Variants in LEPR observed in about 807,000 individuals in gnomAD.
LEPR encodes leptin receptor, also known as OB receptor.
Under a neutral mutation model 114.7 loss-of-function variants are expected in LEPR, and 56 were observed. That is an observed-to-expected ratio of 0.49 (90% CI 0.39 to 0.61). The LOEUF (loss-of-function observed/expected upper bound fraction) is 0.61, where lower values mean the gene tolerates loss of function less well. Ranked by LOEUF, LEPR falls within the 20% of genes least tolerant of loss-of-function variation. The pLI, the probability that LEPR is intolerant of heterozygous loss-of-function variation, is 0.00. For missense variants in LEPR, 1,202 were observed against 1,352.9 expected, an observed-to-expected ratio of 0.89 and a Z score of 1.75; for synonymous variants, 443 against 461.4, an observed-to-expected ratio of 0.96 and a Z score of 0.51.
At position 65,492,281 on chromosome 1, in the gene LEPR, G is replaced by C. The variant is rs1259690852; in HGVS notation, c.-21+66903G>C. On this transcript the variant is annotated intron_variant, in intron 2 of 19. Coordinates refer to ENST00000349533, the MANE Select transcript of LEPR (RefSeq NM_002303.6). ...CTAATATTAAATCATGTTGATTTTT[G>C]TCTCAACAATATTTTTTGTTTGTTT... is the stretch of plus-strand genomic sequence containing the variant. Among the ~76,000 whole-genome samples the C allele has an allele frequency of 3.3e-5, 5 of 152,094 alleles. No homozygotes were observed. The East Asian group carries it at 9.6e-4, about 29-fold the overall frequency.
At chr1:65,444,359 A>G (rs1646686929) in intron 2 of LEPR, among the ~76,000 whole-genome samples, 1 of 151,552 alleles carries the variant, frequency 6.6e-6, no homozygotes. Context: ...ATGTGTTGCT[A>G]CCTCCCTGCA....
At chr1:65,590,589 G>A (rs1396367310) in intron 5 of LEPR, among the ~76,000 whole-genome samples, 1 of 134,556 alleles carries the variant, frequency 7.4e-6, no homozygotes, top group Non-Finnish European at 1.6e-5. Context: ...CTGCCACCAT[G>A]TTTGCATGTC....
chr1:65,523,106 C>G (rs562814469), intron 2 of LEPR, among the ~76,000 whole-genome samples: 1 of 152,194 alleles, frequency 6.6e-6, no homozygotes, highest in South Asian at 2.1e-4. Context: ...ACTCGGAGCA[C>G]AGTATTGGCA....
chr1:65,547,397 T>C (rs892157604), intron 2 of LEPR, among the ~76,000 whole-genome samples: 14 of 152,142 alleles, frequency 9.2e-5, no homozygotes, highest in African/African-American at 3.4e-4. Flanking sequence ...AGTTCCTCCT[T>C]GTACCTCTGG....
chr1:65,520,619 A>G (rs1183038753), intron 2 of LEPR, among the ~76,000 whole-genome samples: 2 of 152,134 alleles, frequency 1.3e-5, no homozygotes, highest in Non-Finnish European at 2.9e-5. Context: ...CAGCGGCGCT[A>G]GAAGAATTAA....
intron 19 of LEPR, chr1:65,634,732 T>G (rs1658654791): frequency 1.1e-6 from 1 of 927,746 alleles, no homozygotes; most frequent in South Asian, 5.0e-5. Context: ...TTCATATTGA[T>G]AGCATCTAAT....
At chr1:65,565,900 G>T (rs1462193469) in intron 3 of LEPR, among the ~76,000 whole-genome samples, 1 of 151,368 alleles carries the variant, frequency 6.6e-6, no homozygotes, top group Non-Finnish European at 1.5e-5. Flanking sequence ...CACATACACA[G>T]ACACACTCAT....
At chr1:65,510,285 G>A (rs1648964526) in intron 2 of LEPR, among the ~76,000 whole-genome samples, 1 of 152,162 alleles carries the variant, frequency 6.6e-6, no homozygotes, top group Admixed American at 6.5e-5. Flanking sequence ...TATTTTGGGT[G>A]GGATTCTATA....
chr1:65,547,223 G>A (rs1168175945), intron 2 of LEPR, among the ~76,000 whole-genome samples: 3 of 152,014 alleles, frequency 2.0e-5, no homozygotes, highest in Non-Finnish European at 4.4e-5. Context: ...ATTTTATTGA[G>A]GATTTTTGCA....
chr1:65,554,663 G>A (rs557365872), intron 2 of LEPR, among the ~76,000 whole-genome samples: 4 of 152,200 alleles, frequency 2.6e-5, no homozygotes, highest in South Asian at 2.1e-4. Flanking sequence ...GGTGGTATCC[G>A]CTGAGCTAGA....
intron 2 of LEPR, among the ~76,000 whole-genome samples, chr1:65,425,946 T>C (rs2101683198): frequency 6.6e-6 from 1 of 152,234 alleles, no homozygotes; most frequent in African/African-American, 2.4e-5. Context: ...CCAGCTACTG[T>C]TATGGGAACT....
intron 2 of LEPR, among the ~76,000 whole-genome samples, chr1:65,500,562 A>G (rs1319376331): frequency 1.3e-5 from 2 of 152,138 alleles, no homozygotes; most frequent in Non-Finnish European, 2.9e-5. Flanking sequence ...ATGATGATCC[A>G]TTTCCACTTA....
intron 7 of LEPR, among the ~76,000 whole-genome samples, chr1:65,597,357 G>A (rs1050600967): frequency 2.0e-5 from 3 of 151,906 alleles, no homozygotes; most frequent in African/African-American, 2.4e-5. Context: ...AGTTCGTTCC[G>A]TAAGTATTTA....
intron 2 of LEPR, among the ~76,000 whole-genome samples, chr1:65,455,181 C>A (rs1557600920): frequency 6.6e-6 from 1 of 152,186 alleles, no homozygotes; most frequent in Non-Finnish European, 1.5e-5. Flanking sequence ...GTTATGCATT[C>A]TTCTAAACTT....
intron 2 of LEPR, chr1:65,525,555 C>G (rs1302337000): frequency 2.2e-6 from 2 of 892,968 alleles, no homozygotes; most frequent in African/African-American, 3.6e-5. Flanking sequence ...TCAGGGGCGG[C>G]TGCGGAGGGC....
In LEPR at chr1:65,592,665, T is replaced by C. The variant is rs112236672; in HGVS notation, c.503T>C (p.Val168Ala). The change falls in exon 6 of 20, where the codon GTG (valine) becomes GCG (alanine). Residue 168 changes from valine (V) to alanine (A), a missense_variant. Coordinates refer to ENST00000349533, the MANE Select transcript of LEPR (RefSeq NM_002303.6). ...KVHLLYVLPE[V>A]LEDSPLVPQK... ...CTTATTTTTCAATATAGGCCTGAAGTGTTAGAAGATTCACCTCTGGTTCCC... is the reference window on the plus strand; with the variant it reads ...CTTATTTTTCAATATAGGCCTGAAGCGTTAGAAGATTCACCTCTGGTTCCC... 1.2e-6 allele frequency: 2 copies of C among 1,612,910 alleles called. No individual in the cohort carries two copies. Among genetic ancestry groups the C allele is most frequent in the Non-Finnish European group, 1.7e-6 (2 of 1,179,268 alleles).
intron 2 of LEPR, among the ~76,000 whole-genome samples, chr1:65,544,478 G>A (rs533730162): frequency 6.6e-6 from 1 of 151,956 alleles, no homozygotes; most frequent in Non-Finnish European, 1.5e-5. Context: ...CCAATACTAT[G>A]TTGAACAGGA....
At position 65,605,045 on chromosome 1, in the gene LEPR, C is replaced by A. The variant is rs143319015; in HGVS notation, c.1411C>A (p.Leu471Ile). 3.3e-5 allele frequency: 53 copies of A among 1,612,834 alleles called. No individual in the cohort carries two copies. In the African/African-American group the frequency reaches 5.7e-4, roughly 17 times the overall value. The change falls in exon 11 of 20, where the codon CTT becomes ATT. Residue 471 changes from leucine (L) to isoleucine (I), a missense_variant. Physicochemically the swap from Leu to Ile is conservative, Grantham distance 5 (BLOSUM62 2). Transcript: ENST00000349533. ...TLQLRYHRSS[L>I]YCSDIPSIHP... ...TTTTTGTATCTTTTAAAGGAGCAGC[C>A]TTTACTGTTCTGATATTCCATCTAT...
At position 65,620,033 on chromosome 1, in the gene LEPR, ATAATTT is replaced by A. The variant is rs1657780218; in HGVS notation, c.2491+13_2491+18del. On this transcript the variant is annotated intron_variant, in intron 17 of 19. Transcript: ENST00000349533. Reference sequence around the variant, plus strand: ...AATAGTTTCACTCAAGGTAAAAATTATAATTTTAGTTTCCTTTTACACCAATGTGTG... The same window carrying A: ...AATAGTTTCACTCAAGGTAAAAATTATAGTTTCCTTTTACACCAATGTGTG... The A allele has an allele frequency of 4.4e-6, 7 of 1,595,756 alleles. No homozygotes were observed. The highest frequency in any genetic ancestry group is 5.2e-6 in the Non-Finnish European group (6 of 1,164,316).
Sources: allele counts gnomAD v4.1 joint callset (sites outside exome capture counted in the v4.1 genomes callset), GRCh38; gene constraint gnomAD v4.1.1; transcripts MANE v1.5; gene names NCBI Gene and HGNC (gene_info 2026-07-23, HGNC 2026-07-21).